Variants in ST3GAL5 observed in about 807,000 individuals in gnomAD.
The protein encoded by ST3GAL5 is lactosylceramide alpha-2,3-sialyltransferase.
ST3GAL5 carries 25 observed loss-of-function variants against 46.1 expected under a neutral mutation model. The observed-to-expected ratio is 0.54, with a 90% CI of 0.40 to 0.76. ST3GAL5 has a LOEUF of 0.76. Ranked by LOEUF, ST3GAL5 falls within the 30% of genes least tolerant of loss-of-function variation. The probability of loss-of-function intolerance (pLI) is 0.00; values close to 1 mark genes in which losing one functional copy is unlikely to be tolerated. For missense variants in ST3GAL5, 431 were observed against 521.2 expected, an observed-to-expected ratio of 0.83 and a Z score of 1.69; for synonymous variants, 182 against 192.7, an observed-to-expected ratio of 0.94 and a Z score of 0.46.
intron 1 of ST3GAL5, among the ~76,000 whole-genome samples, 169 bp from the exon 2 acceptor site, chr2:85,863,654 G>C (rs757212277): frequency 2.0e-5 from 3 of 152,102 alleles, no homozygotes; most frequent in Non-Finnish European, 4.4e-5. Context: ...TGAATCTAGA[G>C]GGAACTATGC....
intron 3 of ST3GAL5, 174 bp from the exon 4 acceptor site, chr2:85,848,378 C>T (rs1296320229): frequency 6.5e-7 from 1 of 1,549,802 alleles, no homozygotes; most frequent in Non-Finnish European, 8.7e-7. Flanking sequence ...CTTGAAGAAA[C>T]AACCTGGGAG....
chr2:85,846,286 G>T, intron 5 of ST3GAL5, 91 bp downstream of exon 5: 2 of 1,165,622 alleles, frequency 1.7e-6, no homozygotes, highest in Non-Finnish European at 2.5e-6. Flanking sequence ...ATTCCGCTCT[G>T]CGTGTTTAAA....
rs1681795979 is a variant in ST3GAL5 at position 85,839,868 on chromosome 2, C to T, written c.*276G>A. 2.1e-6 allele frequency: 1 copy of T among 472,558 alleles called. No homozygotes were observed. The highest frequency in any genetic ancestry group is 3.9e-6 in the Non-Finnish European group (1 of 259,440). 29.3% of individuals were successfully genotyped at this position (472,558 alleles called of 1,614,324 possible). A position where few individuals can be genotyped will look rare whatever the true frequency, so the allele number is the denominator to read the frequency against. ...CAAATTAAATTACTTTCTTAAAAAT[C>T]AATACAACATCGTTACATACAATTC... On this transcript the variant is annotated 3_prime_UTR_variant, in exon 7 of 7. Transcript: ENST00000638572.
intron 1 of ST3GAL5, among the ~76,000 whole-genome samples, chr2:85,885,395 G>C (rs1239850738): frequency 6.6e-6 from 1 of 152,118 alleles, no homozygotes; most frequent in African/African-American, 2.4e-5. Flanking sequence ...GCCTATAGGT[G>C]ACCACACTTG....
chr2:85,840,942 C>CAAAAAAAAAAAAAA (rs1272089535), intron 6 of ST3GAL5, among the ~76,000 whole-genome samples: 1 of 24,180 alleles, frequency 4.1e-5, no homozygotes, highest in Admixed American at 4.8e-4. Context: ...GACTCTGTCT[C>CAAAAAAAAAAAAAA]AAAAAAAAAA....
intron 2 of ST3GAL5, 105 bp downstream of exon 2, chr2:85,863,257 C>A (rs777444267): frequency 2.4e-5 from 38 of 1,598,422 alleles, no homozygotes; most frequent in Non-Finnish European, 2.9e-5. Flanking sequence ...ACCAAGCATG[C>A]CTCTCCAACA....
chr2:85,871,257 A>C (rs1029588158), intron 1 of ST3GAL5, among the ~76,000 whole-genome samples: 2 of 152,050 alleles, frequency 1.3e-5, no homozygotes, highest in African/African-American at 4.8e-5. Flanking sequence ...AGGCTCATTT[A>C]TCATTTCTTT....
chr2:85,882,257 G>A (rs747514454), intron 1 of ST3GAL5, among the ~76,000 whole-genome samples: 1 of 152,214 alleles, frequency 6.6e-6, no homozygotes, highest in Non-Finnish European at 1.5e-5. Context: ...GGAAATGTGG[G>A]GTCAGAGCAG....
intron 1 of ST3GAL5, among the ~76,000 whole-genome samples, chr2:85,883,639 G>A (rs190354798): frequency 1.1e-3 from 169 of 152,294 alleles, no homozygotes; most frequent in African/African-American, 3.2e-3. Flanking sequence ...CAAGTGCAGC[G>A]TGCCTAAAGA....
chr2:85,878,083 G>A (rs910418134), intron 1 of ST3GAL5, among the ~76,000 whole-genome samples: 1 of 152,132 alleles, frequency 6.6e-6, no homozygotes, highest in African/African-American at 2.4e-5. Flanking sequence ...TTTTCCAAGG[G>A]CAACGCTGCA....
rs1684692890 is a variant in ST3GAL5, at chr2:85,861,233, G to A, written c.266C>T (p.Thr89Ile). 2 of 1,613,574 alleles carry A rather than the reference G, an allele frequency of 1.2e-6. No homozygotes were observed. The highest frequency in any genetic ancestry group is 1.7e-6 in the Non-Finnish European group (2 of 1,179,738). ...ILYILKLNYT[T>I]EECDMKKMHY... Reference sequence around the variant, plus strand: ...CATTTTTTTCATGTCACATTCTTCAGTAGTATAATTTAACTTGAGGATATA... The same window carrying A: ...CATTTTTTTCATGTCACATTCTTCAATAGTATAATTTAACTTGAGGATATA... Residue 89 changes from threonine (T) to isoleucine (I), a missense_variant, in exon 3 of 7, where the codon ACT becomes ATT. Thr to Ile is a moderately conservative substitution (Grantham distance 89). Coordinates refer to ENST00000638572, the MANE Select transcript of ST3GAL5 (RefSeq NM_003896.4).
At chr2:85,861,368 A>G (rs1000486602) in intron 2 of ST3GAL5, 76 bp from the exon 3 acceptor site, 88 of 952,162 alleles carry the variant, frequency 9.2e-5, no homozygotes, top group Non-Finnish European at 1.4e-4. Flanking sequence ...TGAAAACGGA[A>G]TCCTAAATGA....
chr2:85,887,303 C>T (rs1354806736), intron 1 of ST3GAL5: 1 of 152,082 alleles, frequency 6.6e-6, no homozygotes, highest in Non-Finnish European at 1.5e-5. Context: ...CAATTTATGC[C>T]AAAATTATAA....
intron 3 of ST3GAL5, chr2:85,851,278 C>T (rs1683472922): frequency 8.9e-7 from 1 of 1,120,642 alleles, no homozygotes; most frequent in Non-Finnish European, 1.1e-6. Flanking sequence ...TGACTGTGAC[C>T]CCTCCTGCGC....
At chr2:85,877,219 T>C (rs1686679079) in intron 1 of ST3GAL5, among the ~76,000 whole-genome samples, 1 of 152,240 alleles carries the variant, frequency 6.6e-6, no homozygotes, top group South Asian at 2.1e-4. Context: ...GTTACCTAAA[T>C]ACCTTATATA....
At chr2:85,880,563 C>T (rs1316207288) in intron 1 of ST3GAL5, among the ~76,000 whole-genome samples, 1 of 152,186 alleles carries the variant, frequency 6.6e-6, no homozygotes, top group African/African-American at 2.4e-5. Flanking sequence ...GTGGCTCATG[C>T]CTGTAATCCC....
chr2:85,863,035 T>C (rs997588417), intron 2 of ST3GAL5, among the ~76,000 whole-genome samples: 1 of 152,150 alleles, frequency 6.6e-6, no homozygotes, highest in South Asian at 2.1e-4. Context: ...TAACTTACAA[T>C]AGCTAAGGGA....
At chr2:85,860,082 C>A (rs547937634) in intron 3 of ST3GAL5, among the ~76,000 whole-genome samples, 1 of 152,312 alleles carries the variant, frequency 6.6e-6, no homozygotes, top group African/African-American at 2.4e-5. Context: ...AATCTCCCTG[C>A]TCCTCAGTTT....
At chr2:85,842,415 T>A (rs952107001) in intron 6 of ST3GAL5, among the ~76,000 whole-genome samples, 2 of 152,076 alleles carry the variant, frequency 1.3e-5, no homozygotes, top group African/African-American at 4.8e-5. Flanking sequence ...GATGAAAAAC[T>A]CCCCAAAGCA....
Sources: allele counts gnomAD v4.1 joint callset (sites outside exome capture counted in the v4.1 genomes callset), GRCh38; gene constraint gnomAD v4.1.1; transcripts MANE v1.5; gene names NCBI Gene and HGNC (gene_info 2026-07-23, HGNC 2026-07-21).